Variants in CLYBL observed in about 807,000 individuals in gnomAD.
CLYBL encodes citramalyl-CoA lyase, mitochondrial.
A neutral mutation model predicts 38.9 loss-of-function variants in CLYBL; 31 were observed. The ratio of observed to expected loss-of-function variants is 0.80; its 90% confidence interval spans 0.60 to 1.08. The LOEUF (loss-of-function observed/expected upper bound fraction) is 1.08, where lower values mean the gene tolerates loss of function less well. Among genes scored for constraint, CLYBL ranks in the 50% least tolerant of loss-of-function variants. The probability of loss-of-function intolerance (pLI) is 0.00; values close to 1 mark genes in which losing one functional copy is unlikely to be tolerated. For synonymous variants in CLYBL, 171 were observed against 158.6 expected, an observed-to-expected ratio of 1.08 and a Z score of -0.59; for missense variants, 434 against 411.6, an observed-to-expected ratio of 1.05 and a Z score of -0.47.
intron 1 of CLYBL, among the ~76,000 whole-genome samples, chr13:99,748,178 G>A (rs373717845): frequency 5.9e-5 from 9 of 151,986 alleles, no homozygotes; most frequent in African/African-American, 1.7e-4. Context: ...TCAGAAGTTC[G>A]AGACCAGCGT....
At position 99,606,690 on chromosome 13, in the gene CLYBL, G is replaced by A. The variant is rs536750101; in HGVS notation, c.-6G>A. On this transcript the variant is annotated 5_prime_UTR_variant, in exon 1 of 9. Coordinates refer to ENST00000339105, the MANE Select transcript of CLYBL (RefSeq NM_206808.5). ...AGGCAAAGGGCGGGGCGCGCGCGTC[G>A]GGAAGATGGCGCTACGTCTGCTGCG... The A allele has an allele frequency of 3.4e-6, 5 of 1,487,762 alleles. No homozygotes were observed. The highest frequency in any genetic ancestry group is 2.2e-5 in the Admixed American group (1 of 45,460). The allele number at this position is 1,487,762 out of a possible 1,614,324, so 92.2% of individuals were successfully genotyped here.
intron 1 of CLYBL, among the ~76,000 whole-genome samples, chr13:99,634,601 T>C (rs1479034069): frequency 6.6e-6 from 1 of 152,218 alleles, no homozygotes; most frequent in Non-Finnish European, 1.5e-5. Flanking sequence ...AAAAGGAGAC[T>C]AAATTATTAT....
At chr13:99,801,827 A>C (rs1332851706) in intron 2 of CLYBL, among the ~76,000 whole-genome samples, 1 of 151,882 alleles carries the variant, frequency 6.6e-6, no homozygotes, top group Non-Finnish European at 1.5e-5. Flanking sequence ...GACCAGCCTG[A>C]CCAACATGGA....
intron 7 of CLYBL, among the ~76,000 whole-genome samples, chr13:99,880,228 C>T (rs1048859117): frequency 2.6e-5 from 4 of 151,622 alleles, no homozygotes; most frequent in Non-Finnish European, 5.9e-5. Context: ...CCACTATGCC[C>T]GGCTCATTGT....
At position 99,609,219 on chromosome 13, in the gene CLYBL, C is replaced by A. The variant is rs567415092; in HGVS notation, c.62+2462C>A. 9.1e-5 allele frequency among the ~76,000 whole-genome samples: 12 copies of A among 131,932 alleles called. No homozygotes were observed. The East Asian group carries it at 2.9e-3, about 32-fold the overall frequency. The allele number at this position is 131,932 out of a possible 152,430, so 86.6% of individuals were successfully genotyped here. On this transcript the variant is annotated intron_variant, in intron 1 of 8. Transcript: ENST00000339105. ...TTGAGACAGAGTCTTGCTCTGTCAC[C>A]AGGCTGGAGTTCAGTGGCGCAATTT...
chr13:99,637,277 C>T (rs1369451316), intron 1 of CLYBL, among the ~76,000 whole-genome samples: 2 of 152,138 alleles, frequency 1.3e-5, no homozygotes, highest in African/African-American at 4.8e-5. Context: ...GGAAGAATTC[C>T]CAATTATTAA....
chr13:99,857,517 C>T (rs1274132981), intron 2 of CLYBL, among the ~76,000 whole-genome samples: 1 of 152,198 alleles, frequency 6.6e-6, no homozygotes, highest in Admixed American at 6.5e-5. Flanking sequence ...AGATGAAGCT[C>T]TGTAAATCAG....
chr13:99,828,689 G>C (rs1297622024), intron 2 of CLYBL, among the ~76,000 whole-genome samples: 1 of 152,088 alleles, frequency 6.6e-6, no homozygotes. Context: ...GAAAGGCATG[G>C]GGTAAGCTTA....
At chr13:99,875,240 T>C (rs2052007317) in intron 7 of CLYBL, among the ~76,000 whole-genome samples, 1 of 152,156 alleles carries the variant, frequency 6.6e-6, no homozygotes, top group Non-Finnish European at 1.5e-5. Context: ...AACATTCTCA[T>C]TTCACTCAGG....
intron 1 of CLYBL, among the ~76,000 whole-genome samples, chr13:99,714,429 C>G (rs1010053024): frequency 6.6e-6 from 1 of 150,876 alleles, no homozygotes; most frequent in Non-Finnish European, 1.5e-5. Context: ...CCAGCCTGGC[C>G]AACATGGTGA....
intron 1 of CLYBL, among the ~76,000 whole-genome samples, chr13:99,714,908 C>T (rs2048289113): frequency 6.6e-6 from 1 of 152,086 alleles, no homozygotes; most frequent in Admixed American, 6.6e-5. Flanking sequence ...GAGATCATAC[C>T]ACTATACTCT....
intron 1 of CLYBL, among the ~76,000 whole-genome samples, chr13:99,607,613 T>C (rs1234720306): frequency 2.6e-5 from 4 of 152,228 alleles, no homozygotes; most frequent in African/African-American, 9.7e-5. Context: ...GTGAAGAAGT[T>C]GGGTGTCATG....
intron 2 of CLYBL, among the ~76,000 whole-genome samples, chr13:99,836,908 A>T (rs1472179268): frequency 1.3e-5 from 2 of 152,024 alleles, no homozygotes; most frequent in Non-Finnish European, 2.9e-5. Flanking sequence ...GGGAAGGGGG[A>T]GGGATAGCAT....
intron 2 of CLYBL, among the ~76,000 whole-genome samples, chr13:99,825,217 G>C (rs1207865260): frequency 6.6e-6 from 1 of 152,178 alleles, no homozygotes; most frequent in East Asian, 1.9e-4. Flanking sequence ...GCCCAAGGTA[G>C]AACTAGGGGT....
chr13:99,631,412 T>A (rs868612253), intron 1 of CLYBL, among the ~76,000 whole-genome samples: 1 of 151,820 alleles, frequency 6.6e-6, no homozygotes, highest in South Asian at 2.1e-4. Flanking sequence ...TATATACATA[T>A]ATTACATACA....
intron 1 of CLYBL, among the ~76,000 whole-genome samples, chr13:99,740,632 G>C (rs2048738321): frequency 1.3e-5 from 2 of 152,166 alleles, no homozygotes; most frequent in African/African-American, 4.8e-5. Context: ...TTAACGAGCT[G>C]GAAAGTCCAC....
intron 1 of CLYBL, among the ~76,000 whole-genome samples, chr13:99,638,694 TAA>T (rs1287322569): frequency 6.6e-6 from 1 of 152,254 alleles, no homozygotes; most frequent in East Asian, 1.9e-4. Context: ...CTGTGTGAGA[TAA>T]GTTTTATTTA....
intron 1 of CLYBL, among the ~76,000 whole-genome samples, chr13:99,685,460 G>A (rs1266860192): frequency 2.0e-5 from 3 of 151,834 alleles, no homozygotes; most frequent in Non-Finnish European, 4.4e-5. Flanking sequence ...CCTTAAAATC[G>A]AACTTAAAAA....
chr13:99,845,073 C>G (rs113018586), intron 2 of CLYBL, among the ~76,000 whole-genome samples: 1 of 152,172 alleles, frequency 6.6e-6, no homozygotes, highest in Non-Finnish European at 1.5e-5. Context: ...TGAAACTAGG[C>G]ATATGTTGTA....
Sources: gnomAD v4.1 joint callset for allele counts (sites outside exome capture counted in the v4.1 genomes callset) on GRCh38, gnomAD v4.1.1 for gene constraint, MANE v1.5 for transcripts, NCBI Gene and HGNC (gene_info 2026-07-23, HGNC 2026-07-21) for gene names.